Variants in ADCYAP1R1 observed in about 807,000 individuals in gnomAD.
ADCYAP1R1 encodes the protein pituitary adenylate cyclase-activating polypeptide type I receptor.
In ADCYAP1R1, 44 loss-of-function variants were observed where a neutral mutation model predicts 67.6. The observed-to-expected ratio is 0.65, with a 90% confidence interval of 0.51 to 0.84. The LOEUF is 0.84. Ranked by LOEUF, ADCYAP1R1 falls within the 40% of genes least tolerant of loss-of-function variation. The probability of loss-of-function intolerance (pLI) is 0.00; values close to 1 mark genes in which losing one functional copy is unlikely to be tolerated. For missense variants in ADCYAP1R1, 477 were observed against 587.9 expected (o/e 0.81, Z 1.95); for synonymous variants, 222 against 219.6 (o/e 1.01, Z -0.10).
intron 4 of ADCYAP1R1, 110 bp downstream of exon 4, chr7:31,078,208 G>A (rs1041692974): frequency 6.6e-6 from 5 of 752,258 alleles, no homozygotes; most frequent in African/African-American, 1.8e-5. Flanking sequence ...GACAGTCCCT[G>A]CTCCTGAGCT....
At chr7:31,090,812 T>C (rs1257146019) in intron 12 of ADCYAP1R1, among the ~76,000 whole-genome samples, 1 of 152,248 alleles carries the variant, frequency 6.6e-6, no homozygotes, top group Admixed American at 6.5e-5. Context: ...CTTTATCCAA[T>C]CCACTATCGA....
intron 13 of ADCYAP1R1, among the ~76,000 whole-genome samples, chr7:31,095,453 T>A (rs575047514): frequency 1.3e-5 from 2 of 151,614 alleles, no homozygotes; most frequent in African/African-American, 4.8e-5. Context: ...CAGCCCAGAG[T>A]GCTTGGCAGA....
At chr7:31,076,918 G>A (rs1232958815) in intron 3 of ADCYAP1R1, among the ~76,000 whole-genome samples, 1 of 152,144 alleles carries the variant, frequency 6.6e-6, no homozygotes, top group Non-Finnish European at 1.5e-5. Context: ...CTGCATCTCA[G>A]CATCTCATTC....
Position 31,087,676 on chromosome 7 carries a change from C to T in ADCYAP1R1, c.934C>T (p.Pro312Ser). 6.2e-7 allele frequency: 1 copy of T among 1,613,710 alleles called. No homozygotes were observed. Among genetic ancestry groups the T allele is most frequent in the Non-Finnish European group, 8.5e-7 (1 of 1,179,850 alleles). ...STALWWVIKG[P>S]VVGSIMVNFV... ...AGCTCTGTGGTGGGTGATCAAAGGC[C>T]CTGTGGTTGGCTCTATCATGGTGAG... The change falls in exon 12 of 16, where the codon CCT (proline) becomes TCT (serine). Residue 312 changes from proline to serine, a missense_variant. By Grantham distance (74) the Pro-to-Ser change is moderately conservative. Coordinates refer to ENST00000304166, the MANE Select transcript of ADCYAP1R1 (RefSeq NM_001118.5).
In ADCYAP1R1 at chr7:31,103,053, C is replaced by G. The variant is rs553907753; in HGVS notation, c.1047-184C>G. Among the ~76,000 whole-genome samples the G allele has an allele frequency of 6.2e-4, 95 of 152,290 alleles. 1 individual carries two copies. The highest frequency in any genetic ancestry group is 2.1e-3 in the African/African-American group (88 of 41,562). On this transcript the variant is annotated intron_variant, in intron 13 of 15. Coordinates refer to ENST00000304166, the MANE Select transcript of ADCYAP1R1 (RefSeq NM_001118.5). ...GTCTTGCAGACTGGGGATGTCTCCC[C>G]ACAATATCCCAGAGTCCTGGCAGCC...
chr7:31,089,969 T>A (rs994288360), intron 12 of ADCYAP1R1, among the ~76,000 whole-genome samples: 10 of 152,234 alleles, frequency 6.6e-5, no homozygotes, highest in Admixed American at 1.3e-4. Context: ...TGTGTATCTG[T>A]GTGTTTTCTC....
intron 12 of ADCYAP1R1, among the ~76,000 whole-genome samples, 187 bp downstream of exon 12, chr7:31,087,883 C>T (rs1247057733): frequency 6.6e-6 from 1 of 152,128 alleles, no homozygotes; most frequent in Non-Finnish European, 1.5e-5. Flanking sequence ...TTATATTGTC[C>T]CATTTTTTCC....
In ADCYAP1R1 at chr7:31,108,175, A is replaced by T. The variant is rs1486613163; in HGVS notation, c.*1491A>T. On this transcript the variant is annotated 3_prime_UTR_variant, in exon 16 of 16. Coordinates refer to ENST00000304166, the MANE Select transcript of ADCYAP1R1 (RefSeq NM_001118.5). ...GTGGAGGAGGATGTTACTTCATTTT[A>T]TAAAGAGGAAGGGGCCTGGGAGACT... 6.6e-6 allele frequency: 1 copy of T among 152,372 alleles called. No individual in the cohort carries two copies. The highest frequency in any genetic ancestry group is 6.5e-5 in the Admixed American group (1 of 15,302). The allele number at this position is 152,372 out of a possible 1,614,324, so 9.4% of individuals were successfully genotyped here. A position where few individuals can be genotyped will look rare whatever the true frequency, so the allele number is the denominator to read the frequency against.
chr7:31,107,274 T>C lies in ADCYAP1R1; in HGVS notation c.*590T>C, dbSNP rs1394181500. 6.6e-6 allele frequency: 1 copy of C among 152,398 alleles called. No individual in the cohort carries two copies. The highest frequency in any genetic ancestry group is 1.5e-5 in the Non-Finnish European group (1 of 68,212). 9.4% of individuals were successfully genotyped at this position (152,398 alleles called of 1,614,324 possible). Reference sequence around the variant, plus strand: ...TCCTGGCACTCGCCTGGCATCTTGGTGTCCGGGTGCTCAGCTCCTGGGTCC... The same window carrying C: ...TCCTGGCACTCGCCTGGCATCTTGGCGTCCGGGTGCTCAGCTCCTGGGTCC... On this transcript the variant is annotated 3_prime_UTR_variant, in exon 16 of 16. Transcript: ENST00000304166.
intron 3 of ADCYAP1R1, among the ~76,000 whole-genome samples, chr7:31,077,433 ATGTGTGAT>A (rs1795296528): frequency 8.8e-6 from 1 of 113,456 alleles, no homozygotes; most frequent in African/African-American, 3.5e-5. Context: ...TGTGGTGTAT[ATGTGTGAT>A]TGTGTGTGGT....
intron 6 of ADCYAP1R1, among the ~76,000 whole-genome samples, chr7:31,082,932 A>G (rs1317499175): frequency 6.6e-6 from 1 of 152,238 alleles, no homozygotes; most frequent in Non-Finnish European, 1.5e-5. Flanking sequence ...GAAGCGAGGG[A>G]CACAGATTGG....
chr7:31,100,251 G>A, intron 13 of ADCYAP1R1: 1 of 1,541,110 alleles, frequency 6.5e-7, no homozygotes, highest in South Asian at 1.2e-5. Flanking sequence ...GAATCCTGGA[G>A]GGGTGGGGGA....
At chr7:31,072,572 T>C (rs926048304) in intron 3 of ADCYAP1R1, among the ~76,000 whole-genome samples, 8 of 152,120 alleles carry the variant, frequency 5.3e-5, no homozygotes, top group African/African-American at 1.9e-4. Flanking sequence ...ACCCCTAGAC[T>C]ATAGCCATGT....
At chr7:31,056,310 A>T (rs1794239555) in intron 1 of ADCYAP1R1, among the ~76,000 whole-genome samples, 1 of 152,104 alleles carries the variant, frequency 6.6e-6, no homozygotes, top group Non-Finnish European at 1.5e-5. Context: ...AGCTCTCCGC[A>T]GACTCCATGC....
At position 31,110,095 on chromosome 7, in the gene ADCYAP1R1, C is replaced by T. The variant is rs1284976150; in HGVS notation, c.*3411C>T. 6.6e-6 allele frequency: 1 copy of T among 151,460 alleles called. No individual in the cohort carries two copies. Among genetic ancestry groups the T allele is most frequent in the African/African-American group, 2.4e-5 (1 of 41,134 alleles). The allele number at this position is 151,460 out of a possible 1,614,324, so 9.4% of individuals were successfully genotyped here. On this transcript the variant is annotated 3_prime_UTR_variant, in exon 16 of 16. Coordinates refer to ENST00000304166, the MANE Select transcript of ADCYAP1R1 (RefSeq NM_001118.5). ...ACTCACCTCTCTCATCTGATCCTCA[C>T]TCTTTGTGGAAGGGAAAGCTCAAAG...
At chr7:31,071,987 C>CCATG (rs1332527716) in intron 3 of ADCYAP1R1, among the ~76,000 whole-genome samples, 9 of 129,918 alleles carry the variant, frequency 6.9e-5, no homozygotes, top group African/African-American at 2.7e-4. Context: ...ATCCATCCAT[C>CCATG]CATCCATCCA....
At chr7:31,068,845 T>A (rs549058293) in intron 3 of ADCYAP1R1, among the ~76,000 whole-genome samples, 5 of 152,302 alleles carry the variant, frequency 3.3e-5, no homozygotes, top group African/African-American at 1.2e-4. Flanking sequence ...CTGTCACTCA[T>A]CAGGGGAGGC....
intron 13 of ADCYAP1R1, chr7:31,095,755 G>A (rs541605577): frequency 1.4e-6 from 1 of 717,914 alleles, no homozygotes; most frequent in Non-Finnish European, 2.6e-6. Context: ...TTTCCTGTAG[G>A]TTGGTTCCAG....
chr7:31,105,926 A>G (rs571086610), intron 15 of ADCYAP1R1, among the ~76,000 whole-genome samples: 1 of 152,286 alleles, frequency 6.6e-6, no homozygotes, highest in South Asian at 2.1e-4. Flanking sequence ...CATGGCCCCC[A>G]CTCACCATGC....
Sources: allele counts gnomAD v4.1 joint callset (sites outside exome capture counted in the v4.1 genomes callset), GRCh38; gene constraint gnomAD v4.1.1; transcripts MANE v1.5; gene names NCBI Gene and HGNC (gene_info 2026-07-23, HGNC 2026-07-21).